STARD10: variants seen among roughly 807,000 people sequenced by gnomAD.
STARD10 encodes the protein StAR related lipid transfer domain containing 10.
In STARD10, 24 loss-of-function variants were observed where a neutral mutation model predicts 36.0. The observed-to-expected ratio is 0.67, with a 90% CI of 0.48 to 0.94. The LOEUF (loss-of-function observed/expected upper bound fraction) is 0.94. Ranked by LOEUF, STARD10 falls within the 40% of genes least tolerant of loss-of-function variation. The pLI is 0.00. For missense variants in STARD10, 335 were observed against 396.6 expected (o/e 0.84, Z 1.32); for synonymous variants, 156 against 161.9 (o/e 0.96, Z 0.28).
chr11:72,785,241 A>G (rs1859056430), intron 1 of STARD10, among the ~76,000 whole-genome samples: 1 of 151,864 alleles, frequency 6.6e-6, no homozygotes, highest in South Asian at 2.1e-4. Flanking sequence ...TAGAGAAACA[A>G]AGATCCTACT....
In STARD10 at chr11:72,787,681, G is replaced by T. The variant is rs559871402; in HGVS notation, c.-114+5194C>A. ...AGCCCGGGAGTTTCCTGTCAGAGGCGCCTGATCCATCTGCCTGACCCCAGG... is the reference window on the plus strand; with the variant it reads ...AGCCCGGGAGTTTCCTGTCAGAGGCTCCTGATCCATCTGCCTGACCCCAGG... On this transcript the variant is annotated intron_variant, in intron 1 of 6. Coordinates refer to ENST00000334805, the MANE Select transcript of STARD10 (RefSeq NM_006645.3). Among the ~76,000 whole-genome samples, 13 of 152,310 alleles carry T rather than the reference G, an allele frequency of 8.5e-5. No individual in the cohort carries two copies. In the South Asian group the frequency reaches 2.7e-3, roughly 32 times the overall value.
chr11:72,785,678 G>A (rs7944245), intron 1 of STARD10: 50,279 of 151,606 alleles, frequency 0.33, 8,618 homozygotes, highest in Middle Eastern at 0.4. Flanking sequence ...CTTGCCTGCC[G>A]GTGACCTTAA....
At chr11:72,771,850 G>T (rs2135618983) in intron 2 of STARD10, among the ~76,000 whole-genome samples, 1 of 152,288 alleles carries the variant, frequency 6.6e-6, no homozygotes, top group Middle Eastern at 3.4e-3. Flanking sequence ...AGAAAGGGAG[G>T]CAGAGAGTGG....
At chr11:72,759,087 G>C in intron 3 of STARD10, 147 bp downstream of exon 3, 1 of 890,334 alleles carries the variant, frequency 1.1e-6, no homozygotes, top group South Asian at 1.6e-5. Context: ...GGAGTGGACA[G>C]GGAGGGCAGC....
Position 72,781,083 on chromosome 11 carries a change from G to A in STARD10, c.99C>T (p.Phe33=), listed in dbSNP as rs780964346. Reference sequence around the variant, plus strand: ...CCACCTCAGCCTCACACTCTGACCGGAAGCTGCGAAAGTCTTGGTCATCGG... The same window carrying A: ...CCACCTCAGCCTCACACTCTGACCGAAAGCTGCGAAAGTCTTGGTCATCGG... ...QVPDDQDFRS[F]RSECEAEVGW... is the part of the protein sequence containing the mutation. Residue 33 remains phenylalanine, a synonymous_variant, in exon 2 of 7, where the codon TTC becomes TTT. Coordinates refer to ENST00000334805, the MANE Select transcript of STARD10 (RefSeq NM_006645.3). The surrounding 1 kb of genome is among the most constrained non-coding windows in gnomAD (Gnocchi z 4.7). 4.3e-5 allele frequency: 70 copies of A among 1,613,980 alleles called. No homozygotes were observed. Among genetic ancestry groups the A allele is most frequent in the Middle Eastern group, 3.3e-4 (2 of 6,084 alleles).
At position 72,754,927 on chromosome 11, in the gene STARD10, C is replaced by G. The variant is rs927178044; in HGVS notation, c.846G>C (p.Glu282Asp). Residue 282 changes from glutamate (E) to aspartate (D), a missense_variant, in exon 7 of 7, where the codon GAG becomes GAC. Glu to Asp is a conservative substitution (Grantham distance 45, BLOSUM62 2). Coordinates refer to ENST00000334805, the MANE Select transcript of STARD10 (RefSeq NM_006645.3). ...REERMGGAGGEGSDDDTSLT is the reference protein window; with the variant it reads ...REERMGGAGGDGSDDDTSLT ...TGAGCGAGGTGTCGTCGTCGCTGCCCTCGCCGCCCGCGCCGCCCATCCGCT... is the reference window on the plus strand; with the variant it reads ...TGAGCGAGGTGTCGTCGTCGCTGCCGTCGCCGCCCGCGCCGCCCATCCGCT... The G allele has an allele frequency of 4.4e-6, 7 of 1,601,510 alleles. No individual in the cohort carries two copies. Among genetic ancestry groups the G allele is most frequent in the Non-Finnish European group, 5.9e-6 (7 of 1,178,330 alleles).
intron 1 of STARD10, among the ~76,000 whole-genome samples, chr11:72,788,345 CGTGT>C (rs1359638624): frequency 6.6e-6 from 1 of 152,094 alleles, no homozygotes; most frequent in Non-Finnish European, 1.5e-5. Context: ...TGTGCAGAGC[CGTGT>C]GTGAGTGACA....
chr11:72,779,896 G>A (rs1858970259), intron 2 of STARD10, among the ~76,000 whole-genome samples: 1 of 152,168 alleles, frequency 6.6e-6, no homozygotes, highest in African/African-American at 2.4e-5. Context: ...AGGGTCAGAG[G>A]GGAAAGGTCA....
chr11:72,759,163 G>A (rs1424941557), intron 3 of STARD10, 71 bp downstream of exon 3: 4 of 1,563,012 alleles, frequency 2.6e-6, no homozygotes, highest in Non-Finnish European at 3.5e-6. Flanking sequence ...AGGGAGGGGG[G>A]AAGAGGAGGC....
intron 1 of STARD10, among the ~76,000 whole-genome samples, chr11:72,784,303 G>C (rs961102736): frequency 6.6e-6 from 1 of 152,186 alleles, no homozygotes; most frequent in African/African-American, 2.4e-5. Flanking sequence ...AGCACAAAGG[G>C]CCTGTGGAGC....
At chr11:72,759,682 T>C (rs558423501) in intron 2 of STARD10, among the ~76,000 whole-genome samples, 1 of 148,866 alleles carries the variant, frequency 6.7e-6, no homozygotes, top group Non-Finnish European at 1.5e-5. Context: ...TGCATCTCTA[T>C]GTCTGTGCCC....
chr11:72,760,819 A>G (rs1232494449), intron 2 of STARD10, among the ~76,000 whole-genome samples: 2 of 146,150 alleles, frequency 1.4e-5, no homozygotes, highest in Non-Finnish European at 3.0e-5. Flanking sequence ...TTGTTCTGTG[A>G]TTTTTTTTTT....
chr11:72,785,083 C>A (rs571158829), intron 1 of STARD10, among the ~76,000 whole-genome samples: 3 of 152,100 alleles, frequency 2.0e-5, no homozygotes, highest in South Asian at 2.1e-4. Flanking sequence ...TTCACTACCC[C>A]CTGATGGCTG....
rs1166526208 is a variant in STARD10 at position 72,793,637 on chromosome 11, A to G, written c.-876T>C. 6.6e-6 allele frequency: 1 copy of G among 152,250 alleles called. No individual in the cohort carries two copies. Among genetic ancestry groups the G allele is most frequent in the Non-Finnish European group, 1.5e-5 (1 of 68,046 alleles). The allele number at this position is 152,250 out of a possible 1,614,324, so 9.4% of individuals were successfully genotyped here. On this transcript the variant is annotated 5_prime_UTR_variant, in exon 1 of 7. Transcript: ENST00000334805. ...ACCACAGAACGATGACTGGACCGTTAGGTTACTATTTATTACGGTTATCTT... is the reference window on the plus strand; with the variant it reads ...ACCACAGAACGATGACTGGACCGTTGGGTTACTATTTATTACGGTTATCTT...
chr11:72,772,520 C>T (rs1223280847), intron 2 of STARD10, among the ~76,000 whole-genome samples: 2 of 152,198 alleles, frequency 1.3e-5, no homozygotes, highest in East Asian at 1.9e-4. Flanking sequence ...CTCTTCACTG[C>T]CCAGACAGGC....
intron 2 of STARD10, among the ~76,000 whole-genome samples, chr11:72,775,229 T>C (rs1858915183): frequency 1.3e-5 from 2 of 152,210 alleles, no homozygotes; most frequent in African/African-American, 2.4e-5. Context: ...TCCATGATCA[T>C]GCCTAAGGCT....
chr11:72,785,627 G>C (rs7944225), intron 1 of STARD10, among the ~76,000 whole-genome samples: 49,275 of 148,844 alleles, frequency 0.33, 8,556 homozygotes, highest in Middle Eastern at 0.4. Context: ...TAACCTGAGG[G>C]TCCTGTTCCT....
chr11:72,776,458 T>C (rs1591269130), intron 2 of STARD10, among the ~76,000 whole-genome samples: 1 of 152,298 alleles, frequency 6.6e-6, no homozygotes. Context: ...GACTGGACTC[T>C]TGCCCAGCTG....
chr11:72,766,274 TTC>T (rs2135615276), intron 2 of STARD10, among the ~76,000 whole-genome samples: 1 of 152,288 alleles, frequency 6.6e-6, no homozygotes, highest in East Asian at 1.9e-4. Flanking sequence ...CCTTTCACCA[TTC>T]TCTGAAGCCT....
Sources: allele counts gnomAD v4.1 joint callset (sites outside exome capture counted in the v4.1 genomes callset), GRCh38; gene constraint gnomAD v4.1.1; non-coding constraint Gnocchi (gnomAD v3.1); transcripts MANE v1.5; gene names NCBI Gene and HGNC (gene_info 2026-07-23, HGNC 2026-07-21).